Variants in ABTB3 observed in about 807,000 individuals in gnomAD.
The protein encoded by ABTB3 is ankyrin repeat- and BTB/POZ domain-containing protein 3.
chr12:107,563,854 C>A, the ABTB3 span, among the ~76,000 whole-genome samples: 1 of 152,132 alleles, frequency 6.6e-6, no homozygotes, highest in Non-Finnish European at 1.5e-5. Context: ...CACGTTGGTG[C>A]TAGATAGGCA....
the ABTB3 span, chr12:107,520,534 C>A: frequency 2.5e-6 from 4 of 1,614,184 alleles, no homozygotes; most frequent in South Asian, 2.2e-5. Flanking sequence ...AGACCCACAG[C>A]GGTCAAACAA....
the ABTB3 span, among the ~76,000 whole-genome samples, chr12:107,625,585 G>C: frequency 1.3e-5 from 2 of 152,108 alleles, no homozygotes; most frequent in South Asian, 4.1e-4. Context: ...GGGCAGGTAA[G>C]TGCTCTGGCT....
At chr12:107,569,058 T>C in the ABTB3 span, among the ~76,000 whole-genome samples, 4 of 152,176 alleles carry the variant, frequency 2.6e-5, no homozygotes, top group African/African-American at 9.7e-5. Context: ...GTCCAAGTGG[T>C]TTATTACAAG....
chr12:107,429,727 A>C, the ABTB3 span, among the ~76,000 whole-genome samples: 1 of 152,322 alleles, frequency 6.6e-6, no homozygotes, highest in Non-Finnish European at 1.5e-5. Context: ...TAATTCACAG[A>C]TATGCATGGT....
chr12:107,372,379 G>C, the ABTB3 span, among the ~76,000 whole-genome samples: 12 of 152,144 alleles, frequency 7.9e-5, no homozygotes, highest in African/African-American at 2.7e-4. Context: ...AGCAGGGATA[G>C]TTCATCTCAT....
the ABTB3 span, among the ~76,000 whole-genome samples, chr12:107,320,352 T>C: frequency 1.4e-4 from 22 of 152,234 alleles, no homozygotes; most frequent in African/African-American, 4.3e-4. Context: ...CAGCAGGCAG[T>C]GAGCAAAACC....
the ABTB3 span, among the ~76,000 whole-genome samples, chr12:107,595,157 A>G: frequency 2.0e-5 from 3 of 152,340 alleles, no homozygotes; most frequent in East Asian, 5.8e-4. Flanking sequence ...TTGTTCCTAA[A>G]TATGACTGTG....
the ABTB3 span, among the ~76,000 whole-genome samples, chr12:107,643,402 CAAAAAAAAAAAAA>C: frequency 1.3e-5 from 1 of 79,538 alleles, no homozygotes; most frequent in African/African-American, 4.1e-5. Flanking sequence ...GACCCTATCT[CAAAAAAAAAAAAA>C]AAAAAAAAAA....
the ABTB3 span, among the ~76,000 whole-genome samples, chr12:107,362,381 C>A: frequency 1.3e-5 from 2 of 152,204 alleles, no homozygotes; most frequent in Non-Finnish European, 2.9e-5. Context: ...TGAGATGAGG[C>A]CTTCCATCTC....
At chr12:107,615,351 A>G in the ABTB3 span, among the ~76,000 whole-genome samples, 22 of 152,228 alleles carry the variant, frequency 1.4e-4, no homozygotes, top group Non-Finnish European at 1.5e-5. Context: ...GGCTTTAACC[A>G]ATATGAAATG....
the ABTB3 span, among the ~76,000 whole-genome samples, chr12:107,637,881 G>C: frequency 6.6e-6 from 1 of 151,658 alleles, no homozygotes; most frequent in East Asian, 1.9e-4. Flanking sequence ...AGAGAGTGGT[G>C]AAAGTAAAAG....
the ABTB3 span, among the ~76,000 whole-genome samples, chr12:107,491,997 C>CT: frequency 1.4e-5 from 1 of 70,784 alleles, no homozygotes; most frequent in Non-Finnish European, 2.8e-5. Context: ...TCTAGTCCAT[C>CT]TCCCCAGGAG....
chr12:107,631,848 A>G, the ABTB3 span, among the ~76,000 whole-genome samples: 71 of 152,338 alleles, frequency 4.7e-4, 1 homozygote, highest in Middle Eastern at 0.01. Flanking sequence ...TGTTGACCTG[A>G]GCCACCTGGC....
chr12:107,491,076 C>T, the ABTB3 span, among the ~76,000 whole-genome samples: 1 of 152,178 alleles, frequency 6.6e-6, no homozygotes, highest in South Asian at 2.1e-4. Flanking sequence ...AATGACTATA[C>T]ATCTGAGTAG....
the ABTB3 span, among the ~76,000 whole-genome samples, chr12:107,425,866 C>A: frequency 2.6e-5 from 4 of 152,222 alleles, no homozygotes; most frequent in Non-Finnish European, 5.9e-5. Flanking sequence ...GAGGTTGTAA[C>A]CTTTCAAGTC....
the ABTB3 span, among the ~76,000 whole-genome samples, chr12:107,370,088 C>T: frequency 1.3e-5 from 2 of 152,292 alleles, no homozygotes; most frequent in African/African-American, 4.8e-5. Context: ...TTTCAGTAAA[C>T]GTTATTTTCC....
chr12:107,447,245 C>T, the ABTB3 span, among the ~76,000 whole-genome samples: 6 of 152,096 alleles, frequency 3.9e-5, no homozygotes, highest in East Asian at 3.8e-4. Context: ...CAGGTTCAAG[C>T]GATTTTCTTG....
chr12:107,636,202 C>CT, the ABTB3 span, among the ~76,000 whole-genome samples: 1 of 152,100 alleles, frequency 6.6e-6, no homozygotes. Context: ...CAGAAGAAAC[C>CT]TTTCCATCAG....
chr12:107,343,001 T>A, the ABTB3 span, among the ~76,000 whole-genome samples: 2 of 152,150 alleles, frequency 1.3e-5, no homozygotes, highest in East Asian at 3.9e-4. Flanking sequence ...TTTGAATCTT[T>A]CAGTTCTTTT....
Sources: gnomAD v4.1 joint callset for allele counts (sites outside exome capture counted in the v4.1 genomes callset) on GRCh38, gnomAD v4.1.1 for gene constraint, MANE v1.5 for transcripts, NCBI Gene and HGNC (gene_info 2026-07-23, HGNC 2026-07-21) for gene names.